Variants in CHD7 observed in about 807,000 individuals in gnomAD.
CHD7 encodes chromodomain helicase DNA binding protein 7.
CHD7 carries 24 observed loss-of-function variants against 307.3 expected under a neutral mutation model. That is an observed-to-expected ratio of 0.08 (90% CI 0.06 to 0.11). The LOEUF (loss-of-function observed/expected upper bound fraction) is 0.11, where lower values mean the gene tolerates loss of function less well. Ranked by LOEUF, CHD7 falls within the 10% of genes least tolerant of loss-of-function variation. The pLI is 1.00. For synonymous variants in CHD7, 1,363 were observed against 1,349.9 expected (o/e 1.01, Z -0.21); for missense variants, 3,106 against 3,727.1 (o/e 0.83, Z 4.34).
chr8:60,685,546 C>T (rs1805840319), intron 1 of CHD7, among the ~76,000 whole-genome samples: 1 of 152,176 alleles, frequency 6.6e-6, no homozygotes, highest in Non-Finnish European at 1.5e-5. Context: ...GTTCTCGGGG[C>T]TGCAGTCTCC....
chr8:60,758,577 A>AGTTACTTT (rs1393027421), intron 2 of CHD7, among the ~76,000 whole-genome samples: 3 of 152,202 alleles, frequency 2.0e-5, no homozygotes, highest in Non-Finnish European at 4.4e-5. Context: ...AAACACCATG[A>AGTTACTTT]GTTACTTTCG....
chr8:60,769,598 T>A (rs1288894467), intron 2 of CHD7, among the ~76,000 whole-genome samples: 1 of 152,184 alleles, frequency 6.6e-6, no homozygotes, highest in South Asian at 2.1e-4. Flanking sequence ...AAGAAAAAAA[T>A]TCCATGTAGT....
At chr8:60,732,206 T>A in intron 1 of CHD7, among the ~76,000 whole-genome samples, 1 of 152,250 alleles carries the variant, frequency 6.6e-6, no homozygotes, top group Non-Finnish European at 1.5e-5. Context: ...AGTACACTTT[T>A]AAACTCCCCC....
intron 1 of CHD7, among the ~76,000 whole-genome samples, chr8:60,701,236 A>AC (rs1484070345): frequency 6.6e-6 from 1 of 152,250 alleles, no homozygotes; most frequent in Non-Finnish European, 1.5e-5. Flanking sequence ...GTTATGTAGT[A>AC]CTGAGTGTGC....
intron 1 of CHD7, among the ~76,000 whole-genome samples, chr8:60,708,958 C>T (rs922657303): frequency 5.3e-5 from 8 of 152,120 alleles, no homozygotes; most frequent in Non-Finnish European, 7.4e-5. Context: ...CCTAGTGGCT[C>T]GCCTGTCTCT....
At chr8:60,842,424 T>C (rs199860083) in intron 21 of CHD7, among the ~76,000 whole-genome samples, 1 of 152,254 alleles carries the variant, frequency 6.6e-6, no homozygotes, top group Admixed American at 6.5e-5. Flanking sequence ...AATATTTCTC[T>C]TATAAAAAAT....
chr8:60,713,151 C>T (rs186234151), intron 1 of CHD7, among the ~76,000 whole-genome samples: 67 of 151,538 alleles, frequency 4.4e-4, no homozygotes, highest in African/African-American at 1.4e-3. Flanking sequence ...CTCACTCTGT[C>T]GCCCAGGCTG....
intron 1 of CHD7, among the ~76,000 whole-genome samples, chr8:60,681,783 C>T (rs944319213): frequency 6.6e-6 from 1 of 151,928 alleles, no homozygotes; most frequent in South Asian, 2.1e-4. Context: ...GTTTTTTTCT[C>T]TTTATATTTT....
intron 1 of CHD7, chr8:60,679,764 G>A (rs1805490201): frequency 6.7e-6 from 1 of 148,794 alleles, no homozygotes; most frequent in South Asian, 2.1e-4. Context: ...GGCGGCGCCA[G>A]CCCGCGCGGG....
At chr8:60,789,109 AG>A (rs1811646912) in intron 3 of CHD7, among the ~76,000 whole-genome samples, 1 of 152,190 alleles carries the variant, frequency 6.6e-6, no homozygotes, top group East Asian at 1.9e-4. Context: ...TTAAGTTGAG[AG>A]GCTAGACACT....
Position 60,865,939 on chromosome 8 carries a change from ACCAGTT to A in CHD7, c.*14_*19del. The A allele has an allele frequency of 7.5e-6, 12 of 1,589,464 alleles. No individual in the cohort carries two copies. Among genetic ancestry groups the A allele is most frequent in the Non-Finnish European group, 1.0e-5 (12 of 1,167,322 alleles). ...ACAATGAAAATGATGAATAACCAGT[ACCAGTT>A]CCAGTTCAAGTGTTTAAAACTTTTG... is the stretch of plus-strand genomic sequence containing the variant. On this transcript the variant is annotated 3_prime_UTR_variant, in exon 38 of 38. Transcript: ENST00000423902. The surrounding 1 kb of genome is among the most constrained non-coding windows in gnomAD (Gnocchi z 4.3).
Position 60,794,046 on chromosome 8 carries a change from C to T in CHD7, c.2097-940C>T, listed in dbSNP as rs191627633. 2.1e-3 allele frequency among the ~76,000 whole-genome samples: 314 copies of T among 152,026 alleles called. 4 individuals are homozygous for T. In the South Asian group the frequency reaches 0.023, roughly 11 times the overall value. On this transcript the variant is annotated intron_variant, in intron 3 of 37. Transcript: ENST00000423902. ...CTGAGGCAGGAGAATCGCTTGGACCCGGGAGGCGGAGGTTGCAGTGAGCCA... is the reference window on the plus strand; with the variant it reads ...CTGAGGCAGGAGAATCGCTTGGACCTGGGAGGCGGAGGTTGCAGTGAGCCA...
intron 33 of CHD7, 115 bp from the exon 34 acceptor site, chr8:60,856,330 C>A: frequency 8.0e-7 from 1 of 1,252,142 alleles, no homozygotes; most frequent in Non-Finnish European, 1.1e-6. Context: ...GCTCTGTGCA[C>A]CAGTCATGAA....
chr8:60,770,363 T>C (rs147269898), intron 2 of CHD7, among the ~76,000 whole-genome samples: 14 of 152,164 alleles, frequency 9.2e-5, no homozygotes, highest in African/African-American at 3.4e-4. Context: ...TCAATTATAA[T>C]AATTTTCTCA....
At chr8:60,864,878 T>A in intron 37 of CHD7, 138 bp from the exon 38 acceptor site, 1 of 856,910 alleles carries the variant, frequency 1.2e-6, no homozygotes, top group South Asian at 1.8e-5. Flanking sequence ...TCATTAAGTT[T>A]TATCATTGAG....
intron 13 of CHD7, among the ~76,000 whole-genome samples, chr8:60,827,248 TAAA>T (rs11323480): frequency 7.2e-6 from 1 of 138,542 alleles, no homozygotes; most frequent in Non-Finnish European, 1.6e-5. Flanking sequence ...TAAAGTATAA[TAAA>T]AAAAAAAAAA....
chr8:60,720,618 T>G (rs112005542), intron 1 of CHD7, among the ~76,000 whole-genome samples: 171 of 152,310 alleles, frequency 1.1e-3, no homozygotes, highest in African/African-American at 3.8e-3. Context: ...GAATATCATC[T>G]CCGTGAGCCT....
intron 34 of CHD7, 138 bp from the exon 35 acceptor site, chr8:60,860,766 A>G (rs1390759012): frequency 1.4e-5 from 10 of 717,414 alleles, no homozygotes; most frequent in Non-Finnish European, 2.1e-5. Flanking sequence ...CTGTTCCCAA[A>G]CAACTAGACA....
intron 7 of CHD7, among the ~76,000 whole-genome samples, chr8:60,810,258 G>A (rs936099401): frequency 1.3e-5 from 2 of 151,906 alleles, no homozygotes; most frequent in Non-Finnish European, 2.9e-5. Flanking sequence ...AAGAAGGCTT[G>A]GTTGTTTTCA....
Sources: allele counts gnomAD v4.1 joint callset (sites outside exome capture counted in the v4.1 genomes callset), GRCh38; gene constraint gnomAD v4.1.1; non-coding constraint Gnocchi (gnomAD v3.1); transcripts MANE v1.5; gene names NCBI Gene and HGNC (gene_info 2026-07-23, HGNC 2026-07-21).